DPYD: variants seen among roughly 807,000 people sequenced by gnomAD.
The protein encoded by DPYD is dihydropyrimidine dehydrogenase, also known as dihydropyrimidine dehydrogenase [NADP(+)].
A neutral mutation model predicts 116.2 loss-of-function variants in DPYD; 109 were observed. The observed-to-expected ratio is 0.94, with a 90% CI of 0.80 to 1.10. The LOEUF is 1.10. Among genes scored for constraint, DPYD ranks in the 50% least tolerant of loss-of-function variants. The pLI is 0.00. For missense variants in DPYD, 1,302 were observed against 1,254.5 expected, an observed-to-expected ratio of 1.04 and a Z score of -0.57; for synonymous variants, 440 against 432.0, an observed-to-expected ratio of 1.02 and a Z score of -0.23.
At chr1:97,865,158 CACA>C (rs995101914) in intron 2 of DPYD, among the ~76,000 whole-genome samples, 4 of 151,794 alleles carry the variant, frequency 2.6e-5, no homozygotes, top group African/African-American at 4.8e-5. Flanking sequence ...AGACAACTTA[CACA>C]ACAAGTTGGT....
At chr1:97,768,255 T>C (rs1316928247) in intron 3 of DPYD, among the ~76,000 whole-genome samples, 1 of 152,206 alleles carries the variant, frequency 6.6e-6, no homozygotes, top group Non-Finnish European at 1.5e-5. Context: ...TGTATGTCTG[T>C]ATGTATATCT....
intron 19 of DPYD, among the ~76,000 whole-genome samples, chr1:97,194,568 G>A (rs887603666): frequency 1.3e-5 from 2 of 151,934 alleles, no homozygotes; most frequent in Non-Finnish European, 2.9e-5. Context: ...GCAGCAGCGC[G>A]ATCTCGGCTC....
chr1:97,803,182 C>A lies in DPYD; in HGVS notation c.233+24932G>T, dbSNP rs959942889. Among the ~76,000 whole-genome samples, 5 of 151,824 alleles carry A rather than the reference C, an allele frequency of 3.3e-5. No individual in the cohort carries two copies. In the East Asian group the frequency reaches 9.6e-4, roughly 29 times the overall value. The stretch of plus-strand genomic sequence containing the variant: ...TTCCCATTTGCAGTTACATTTCAAA[C>A]TGCCGATTTGACGCACCAGTCAGGA... On this transcript the variant is annotated intron_variant, in intron 3 of 22. Coordinates refer to ENST00000370192, the MANE Select transcript of DPYD (RefSeq NM_000110.4).
At chr1:97,123,020 C>G (rs1297867965) in intron 20 of DPYD, among the ~76,000 whole-genome samples, 1 of 152,084 alleles carries the variant, frequency 6.6e-6, no homozygotes, top group Non-Finnish European at 1.5e-5. Flanking sequence ...CTCGTTAGAT[C>G]AGACCATCCT....
In DPYD at chr1:97,078,512, A is replaced by G. The variant is rs754970493; in HGVS notation, c.*464T>C. 6.6e-5 allele frequency: 12 copies of G among 183,074 alleles called. No individual in the cohort carries two copies. The highest frequency in any genetic ancestry group is 1.2e-4 in the Non-Finnish European group (10 of 86,162). 11.3% of individuals were successfully genotyped at this position (183,074 alleles called of 1,614,324 possible). A position where few individuals can be genotyped will look rare whatever the true frequency, so the allele number is the denominator to read the frequency against. On this transcript the variant is annotated 3_prime_UTR_variant, in exon 23 of 23. Coordinates refer to ENST00000370192, the MANE Select transcript of DPYD (RefSeq NM_000110.4). ...ATGGAGCTAACTACATTTTCTTAGA[A>G]ACAGCATTAAAATTAAAGGTAATTT...
At chr1:97,883,990 G>A in intron 1 of DPYD, 1 of 308,780 alleles carries the variant, frequency 3.2e-6, no homozygotes, top group East Asian at 1.0e-4. Context: ...GAAAAAGTGA[G>A]AAGATATACT....
intron 14 of DPYD, among the ~76,000 whole-genome samples, chr1:97,448,666 T>C (rs980856930): frequency 2.6e-5 from 4 of 151,416 alleles, no homozygotes; most frequent in African/African-American, 9.7e-5. Context: ...TCCCAAAAGA[T>C]GTGGGTCCTT....
At chr1:97,646,189 A>G (rs1012634823) in intron 8 of DPYD, among the ~76,000 whole-genome samples, 4 of 152,148 alleles carry the variant, frequency 2.6e-5, no homozygotes, top group African/African-American at 9.6e-5. Flanking sequence ...TCAAATACAT[A>G]TTCTGTTCCA....
At chr1:97,823,475 C>T (rs552877406) in intron 3 of DPYD, among the ~76,000 whole-genome samples, 1 of 152,198 alleles carries the variant, frequency 6.6e-6, no homozygotes, top group Non-Finnish European at 1.5e-5. Context: ...AGAACACCAA[C>T]CTCTCCCCAT....
chr1:97,220,172 C>T (rs1160968646), intron 19 of DPYD, among the ~76,000 whole-genome samples: 4 of 151,986 alleles, frequency 2.6e-5, no homozygotes, highest in East Asian at 3.9e-4. Flanking sequence ...ACAGCTCTGC[C>T]CTTATGAATG....
intron 12 of DPYD, among the ~76,000 whole-genome samples, chr1:97,521,237 C>T (rs1023697206): frequency 2.0e-5 from 3 of 152,144 alleles, no homozygotes; most frequent in African/African-American, 7.2e-5. Context: ...TGATGATGAC[C>T]TTTTTTTCAC....
chr1:97,699,926 A>G (rs974918438), intron 5 of DPYD, among the ~76,000 whole-genome samples: 4 of 152,150 alleles, frequency 2.6e-5, no homozygotes, highest in Admixed American at 1.3e-4. Flanking sequence ...ATCAGAAAAC[A>G]TGTCACATGT....
intron 14 of DPYD, among the ~76,000 whole-genome samples, chr1:97,441,668 A>C (rs1675805437): frequency 6.6e-6 from 1 of 152,114 alleles, no homozygotes; most frequent in African/African-American, 2.4e-5. Flanking sequence ...GATGGTTTTA[A>C]TCTATAAATT....
intron 21 of DPYD, among the ~76,000 whole-genome samples, 159 bp downstream of exon 21, chr1:97,098,330 T>A (rs886952024): frequency 6.6e-6 from 1 of 152,156 alleles, no homozygotes; most frequent in Non-Finnish European, 1.5e-5. Flanking sequence ...ATTTTATAAT[T>A]TAAATGCAGT....
chr1:97,498,490 CTGTG>C (rs10591961), intron 13 of DPYD, among the ~76,000 whole-genome samples: 28,717 of 148,386 alleles, frequency 0.19, 2,790 homozygotes, highest in East Asian at 0.25. Flanking sequence ...CTCTCTTTCT[CTGTG>C]TGTGTGTGTG....
At chr1:97,107,958 C>A (rs558925822) in intron 20 of DPYD, among the ~76,000 whole-genome samples, 1 of 152,032 alleles carries the variant, frequency 6.6e-6, no homozygotes, top group South Asian at 2.1e-4. Context: ...AAAAAAAATG[C>A]TGAACACATA....
intron 2 of DPYD, among the ~76,000 whole-genome samples, chr1:97,866,744 T>C (rs1671397451): frequency 1.3e-5 from 2 of 151,924 alleles, no homozygotes. Context: ...TTACATATGA[T>C]GTTGCGTGTT....
intron 14 of DPYD, among the ~76,000 whole-genome samples, chr1:97,401,228 T>G (rs1321885838): frequency 6.6e-6 from 1 of 152,130 alleles, no homozygotes; most frequent in Admixed American, 6.6e-5. Context: ...CTTTCTCCAA[T>G]GCATCTTTTA....
intron 18 of DPYD, among the ~76,000 whole-genome samples, chr1:97,254,404 CT>C (rs2100822926): frequency 6.6e-6 from 1 of 152,206 alleles, no homozygotes; most frequent in African/African-American, 2.4e-5. Context: ...AAGCATTTAA[CT>C]GTCAACTCTG....
Sources: allele counts gnomAD v4.1 joint callset (sites outside exome capture counted in the v4.1 genomes callset), GRCh38; gene constraint gnomAD v4.1.1; transcripts MANE v1.5; gene names NCBI Gene and HGNC (gene_info 2026-07-23, HGNC 2026-07-21).